The following WASL variants were observed in gnomAD, a reference collection of about 807,000 sequenced individuals.
WASL encodes actin nucleation-promoting factor WASL.
Under a neutral mutation model 55.5 loss-of-function variants are expected in WASL, and 20 were observed. That is an observed-to-expected ratio of 0.36 (90% CI 0.25 to 0.52). The LOEUF (loss-of-function observed/expected upper bound fraction) is 0.52. Among genes scored for constraint, WASL ranks in the 20% least tolerant of loss-of-function variants. WASL has a pLI of 0.92. For missense variants in WASL, 504 were observed against 622.5 expected (o/e 0.81, Z 2.03); for synonymous variants, 249 against 217.6 (o/e 1.14, Z -1.27).
intron 10 of WASL, among the ~76,000 whole-genome samples, chr7:123,687,823 G>A (rs1803318673): frequency 6.6e-6 from 1 of 151,988 alleles, no homozygotes; most frequent in African/African-American, 2.4e-5. Context: ...GTAATGGAGG[G>A]TAGGTACAAA....
At chr7:123,686,748 T>A (rs1412237454) in intron 10 of WASL, among the ~76,000 whole-genome samples, 1 of 152,156 alleles carries the variant, frequency 6.6e-6, no homozygotes, top group African/African-American at 2.4e-5. Context: ...AAGCTTGAGA[T>A]TTTTAGATCT....
Position 123,695,822 on chromosome 7 carries a change from C to T in WASL, c.672+1G>A. ...CGTATATGATTTGAAAACATACTTA[C>T]ATCAAAGCCTGTATTTGGATCCCAA... On this transcript the variant is annotated splice_donor_variant, in intron 7 of 10. Transcript: ENST00000223023. LOFTEE classifies it high-confidence loss of function. The T allele has an allele frequency of 6.2e-7, 1 of 1,612,404 alleles. No individual in the cohort carries two copies. Among genetic ancestry groups the T allele is most frequent in the Non-Finnish European group, 8.5e-7 (1 of 1,178,848 alleles).
chr7:123,742,061 G>T (rs1306508094), intron 1 of WASL, among the ~76,000 whole-genome samples: 1 of 152,140 alleles, frequency 6.6e-6, no homozygotes, highest in African/African-American at 2.4e-5. Flanking sequence ...ACAGAGAGAT[G>T]GCCAAAGAGT....
At chr7:123,741,998 T>C (rs1167102370) in intron 1 of WASL, among the ~76,000 whole-genome samples, 1 of 152,180 alleles carries the variant, frequency 6.6e-6, no homozygotes, top group African/African-American at 2.4e-5. Flanking sequence ...CATTAAAAGA[T>C]AACTTTTTAA....
Position 123,684,521 on chromosome 7 carries a change from A to G in WASL, c.1516T>C (p.Ter506ArgextTer15). ...TATATATATATATAATATATAGATC[A>G]GTCTTCCCACTCATCATCATCCTCA... is the stretch of plus-strand genomic sequence containing the variant. ...DFEDDDEWED[*>R] Residue 506 changes from the stop codon to arginine, a stop_lost, in exon 11 of 11, where the codon TGA (stop) becomes CGA (arginine). Transcript: ENST00000223023. The G allele has an allele frequency of 1.2e-6, 1 of 851,784 alleles. No homozygotes were observed. Among genetic ancestry groups the G allele is most frequent in the Non-Finnish European group, 1.9e-6 (1 of 535,968 alleles). 52.8% of individuals were successfully genotyped at this position (851,784 alleles called of 1,614,324 possible).
intron 1 of WASL, among the ~76,000 whole-genome samples, chr7:123,722,862 A>G (rs1452614255): frequency 6.6e-6 from 1 of 152,128 alleles, no homozygotes; most frequent in African/African-American, 2.4e-5. Context: ...AAATGAAAGC[A>G]AGAATAAAAA....
At chr7:123,696,880 C>T (rs1803501789) in intron 5 of WASL, 133 bp from the exon 6 acceptor site, 4 of 663,214 alleles carry the variant, frequency 6.0e-6, no homozygotes, top group Non-Finnish European at 8.4e-6. Flanking sequence ...TAAACTTCTA[C>T]ATTTTTTTCA....
chr7:123,743,487 C>A (rs563908758), intron 1 of WASL, among the ~76,000 whole-genome samples: 1 of 152,278 alleles, frequency 6.6e-6, no homozygotes, highest in Admixed American at 6.5e-5. Flanking sequence ...CCAGACACTC[C>A]CCAAAGAGAT....
At chr7:123,706,505 T>G in intron 3 of WASL, 132 bp from the exon 4 acceptor site, 2 of 903,142 alleles carry the variant, frequency 2.2e-6, no homozygotes, top group Non-Finnish European at 3.3e-6. Flanking sequence ...AAGACATTAT[T>G]TTATGATCTG....
chr7:123,728,072 C>T (rs1804080829), intron 1 of WASL, among the ~76,000 whole-genome samples: 1 of 152,200 alleles, frequency 6.6e-6, no homozygotes, highest in Non-Finnish European at 1.5e-5. Context: ...TCATCTCAGG[C>T]ATCCACTTTC....
chr7:123,696,015 T>G (rs1803486733), intron 6 of WASL, 150 bp from the exon 7 acceptor site: 1 of 673,458 alleles, frequency 1.5e-6, no homozygotes, highest in South Asian at 2.1e-5. Context: ...TGATAAAAAC[T>G]ATGTACAAGG....
chr7:123,703,742 T>C (rs912782561), intron 5 of WASL, among the ~76,000 whole-genome samples: 4 of 152,186 alleles, frequency 2.6e-5, no homozygotes, highest in Admixed American at 1.3e-4. Flanking sequence ...ATAGCTGTCA[T>C]ATATTAAGAA....
At chr7:123,698,183 T>C (rs1803522002) in intron 5 of WASL, among the ~76,000 whole-genome samples, 1 of 152,080 alleles carries the variant, frequency 6.6e-6, no homozygotes, top group South Asian at 2.1e-4. Flanking sequence ...TAAGTCCTGG[T>C]GAATCACCAC....
chr7:123,700,764 C>A (rs1215001187), intron 5 of WASL, among the ~76,000 whole-genome samples: 1 of 152,168 alleles, frequency 6.6e-6, no homozygotes, highest in Non-Finnish European at 1.5e-5. Context: ...ATACCTCTTA[C>A]ACAAAAGTCA....
intron 1 of WASL, among the ~76,000 whole-genome samples, chr7:123,729,500 T>C (rs940104935): frequency 1.3e-5 from 2 of 152,196 alleles, no homozygotes; most frequent in Non-Finnish European, 2.9e-5. Context: ...GTCTCGCAGC[T>C]GTGTATTACA....
chr7:123,708,971 A>G (rs1803714663), intron 2 of WASL, 118 bp downstream of exon 2: 3 of 978,842 alleles, frequency 3.1e-6, no homozygotes, highest in Non-Finnish European at 4.2e-6. Context: ...CACTCTTCTA[A>G]TATTAGTTTA....
At chr7:123,722,120 T>C (rs1430287902) in intron 1 of WASL, among the ~76,000 whole-genome samples, 1 of 152,096 alleles carries the variant, frequency 6.6e-6, no homozygotes, top group African/African-American at 2.4e-5. Context: ...GCTATTCAAA[T>C]ATGTTAAAAA....
Position 123,682,767 on chromosome 7 carries a change from TTGAC to T in WASL, c.*1748_*1751del, listed in dbSNP as rs1457860981. The T allele has an allele frequency of 2.0e-5, 3 of 152,270 alleles. No homozygotes were observed. The highest frequency in any genetic ancestry group is 3.4e-3 in the Middle Eastern group (1 of 294). The allele number at this position is 152,270 out of a possible 1,614,324, so 9.4% of individuals were successfully genotyped here. ...GTTGTCCAGCCTCATCTGCACCAGA[TTGAC>T]TGAGCTCAAGCCACAATAAAAATGA... On this transcript the variant is annotated 3_prime_UTR_variant, in exon 11 of 11. Transcript: ENST00000223023.
chr7:123,717,698 A>G (rs1803868995), intron 1 of WASL, among the ~76,000 whole-genome samples: 1 of 152,234 alleles, frequency 6.6e-6, no homozygotes, highest in African/African-American at 2.4e-5. Flanking sequence ...GTGCTATTAC[A>G]TTACTAGTAA....
Sources: allele counts gnomAD v4.1 joint callset (sites outside exome capture counted in the v4.1 genomes callset), GRCh38; gene constraint gnomAD v4.1.1; transcripts MANE v1.5; gene names NCBI Gene and HGNC (gene_info 2026-07-23, HGNC 2026-07-21).